GRK2: variants seen among roughly 807,000 people sequenced by gnomAD.
GRK2 encodes the protein G protein-coupled receptor kinase 2, also known as adrenergic beta receptor kinase 1.
A neutral mutation model predicts 97.8 loss-of-function variants in GRK2; 23 were observed. The observed-to-expected ratio is 0.24, with a 90% confidence interval of 0.17 to 0.33. The LOEUF is 0.33. Ranked by LOEUF, GRK2 falls within the 10% of genes least tolerant of loss-of-function variation. GRK2 has a pLI of 1.00. For synonymous variants in GRK2, 425 were observed against 381.7 expected, an observed-to-expected ratio of 1.11 and a Z score of -1.32; for missense variants, 633 against 956.9, an observed-to-expected ratio of 0.66 and a Z score of 4.47.
Position 67,282,556 on chromosome 11 carries a change from C to A in GRK2, c.1160+14C>A. ...GTTGCTGCGGGGGTGAGTGGCCCAT[C>A]CCAGGTGGGCAGGTGGGTTGGGGCT... On this transcript the variant is annotated intron_variant, in intron 13 of 20. Coordinates refer to ENST00000308595, the MANE Select transcript of GRK2 (RefSeq NM_001619.5). This position sits in a 1 kb window ranked among gnomAD's most constrained non-coding sequence, Gnocchi z 6.9. The A allele has an allele frequency of 6.2e-7, 1 of 1,610,896 alleles. No individual in the cohort carries two copies. The highest frequency in any genetic ancestry group is 1.3e-5 in the African/African-American group (1 of 75,000).
At chr11:67,286,556 A>AT (rs1321582197), downstream of GRK2, 1 of 699,618 alleles carries the variant, frequency 1.4e-6, no homozygotes, top group Non-Finnish European at 2.6e-6. Context: ...ATGGTGCCTG[A>AT]TTCGGCTGTC....
chr11:67,279,521 T>A lies in GRK2; in HGVS notation c.366+2T>A. 6.2e-7 allele frequency: 1 copy of A among 1,613,116 alleles called. No homozygotes were observed. The highest frequency in any genetic ancestry group is 8.5e-7 in the Non-Finnish European group (1 of 1,179,962). On this transcript the variant is annotated splice_donor_variant, in intron 4 of 20. Transcript: ENST00000308595. LOFTEE classifies it high-confidence loss of function. ...AAGGAGCTGCTGGCCTGCTCGCATG[T>A]GAGTGTCCTCAGCTGGCCCTGTGTG...
intron 1 of GRK2, among the ~76,000 whole-genome samples, chr11:67,271,466 A>G (rs759396538): frequency 2.6e-5 from 4 of 151,986 alleles, no homozygotes; most frequent in Non-Finnish European, 5.9e-5. Context: ...ATGGGGGATA[A>G]CCCCCTCCTG....
At chr11:67,270,518 G>A (rs1227246186) in intron 1 of GRK2, among the ~76,000 whole-genome samples, 1 of 152,042 alleles carries the variant, frequency 6.6e-6, no homozygotes, top group Non-Finnish European at 1.5e-5. Flanking sequence ...CCCTCGATTT[G>A]TGGGGGAAGG....
At chr11:67,273,022 G>A (rs78909864) in intron 1 of GRK2, among the ~76,000 whole-genome samples, 13,542 of 152,316 alleles carry the variant, frequency 0.089, 2,032 homozygotes, top group African/African-American at 0.31. Context: ...CCCAGCAGGC[G>A]GGGCACGGCG....
intron 7 of GRK2, 144 bp from the exon 8 acceptor site, chr11:67,280,949 C>T (rs371299697): frequency 1.5e-5 from 17 of 1,103,916 alleles, no homozygotes; most frequent in Middle Eastern, 2.0e-4. Context: ...ATGGGGAGGC[C>T]GGAGCAGGTA....
At chr11:67,273,633 C>T (rs1447935991) in intron 1 of GRK2, among the ~76,000 whole-genome samples, 2 of 152,154 alleles carry the variant, frequency 1.3e-5, no homozygotes, top group Non-Finnish European at 2.9e-5. Flanking sequence ...AAGGACTCTG[C>T]TCAGGCCTGA....
intron 6 of GRK2, 44 bp downstream of exon 6, chr11:67,279,944 C>T (rs371585088): frequency 1.4e-4 from 227 of 1,587,786 alleles, no homozygotes; most frequent in Non-Finnish European, 1.8e-4. Flanking sequence ...AGGGAGGGGC[C>T]GCTCTCAGAA....
At chr11:67,275,506 C>T (rs977204553) in intron 1 of GRK2, among the ~76,000 whole-genome samples, 1 of 142,264 alleles carries the variant, frequency 7.0e-6, no homozygotes, top group Admixed American at 6.9e-5. Context: ...CCAAGTGTTG[C>T]CTCTGCCTGG....
chr11:67,277,081 G>A (rs1017823190), intron 1 of GRK2, 191 bp from the exon 2 acceptor site: 11 of 504,920 alleles, frequency 2.2e-5, no homozygotes, highest in African/African-American at 8.0e-5. Flanking sequence ...TGGCGGGGGC[G>A]GTGCAGGCAA....
chr11:67,277,360 A>G lies in GRK2; in HGVS notation c.190+12A>G, dbSNP rs775280835. ...TTCCCAGAAGCTGGGTGAGTATGGC[A>G]GTGGCTCTGCCAGCCACCGGACTTA... On this transcript the variant is annotated intron_variant, in intron 2 of 20. Transcript: ENST00000308595. The G allele has an allele frequency of 6.2e-7, 1 of 1,612,134 alleles. No homozygotes were observed. Among genetic ancestry groups the G allele is most frequent in the Non-Finnish European group, 8.5e-7 (1 of 1,178,820 alleles).
chr11:67,281,301 G>C lies in GRK2; in HGVS notation c.647+117G>C. The C allele has an allele frequency of 9.1e-7, 1 of 1,103,522 alleles. No individual in the cohort carries two copies. Among genetic ancestry groups the C allele is most frequent in the Non-Finnish European group, 1.3e-6 (1 of 750,538 alleles). 68.4% of individuals were successfully genotyped at this position (1,103,522 alleles called of 1,614,324 possible). A position where few individuals can be genotyped will look rare whatever the true frequency, so the allele number is the denominator to read the frequency against. On this transcript the variant is annotated intron_variant, in intron 8 of 20. Transcript: ENST00000308595. The surrounding 1 kb of genome is among the most constrained non-coding windows in gnomAD (Gnocchi z 5.7). ...GCTCCATGCACTCCTGTCTTGCCGT[G>C]CTGTTACCCCCGCAGGCTCCTCTGG...
At chr11:67,275,391 C>T (rs536969481) in intron 1 of GRK2, among the ~76,000 whole-genome samples, 2 of 152,348 alleles carry the variant, frequency 1.3e-5, no homozygotes, top group East Asian at 1.9e-4. Context: ...TCCAGACCCT[C>T]GGGCCCAAAG....
chr11:67,278,224 AATG>A (rs1276679278), intron 2 of GRK2, among the ~76,000 whole-genome samples: 1 of 152,154 alleles, frequency 6.6e-6, no homozygotes, highest in Non-Finnish European at 1.5e-5. Flanking sequence ...TGAGGACTGA[AATG>A]ATGGCCGCAG....
rs61763971 is a variant in GRK2 at position 67,285,708 on chromosome 11, C to T, written c.*258C>T. 921 of 503,736 alleles carry T rather than the reference C, an allele frequency of 1.8e-3. 3 individuals carry two copies. Among genetic ancestry groups the T allele is most frequent in the African/African-American group, 0.013 (631 of 50,434 alleles). The allele number at this position is 503,736 out of a possible 1,614,324, so 31.2% of individuals were successfully genotyped here. On this transcript the variant is annotated 3_prime_UTR_variant, in exon 21 of 21. Coordinates refer to ENST00000308595, the MANE Select transcript of GRK2 (RefSeq NM_001619.5). ...CTGTGGGGGAAGAGCACAGCCCTCC[C>T]GCCCCTTCCCCGAGGGATGATGCCA...
At chr11:67,277,218 G>A in intron 1 of GRK2, 54 bp from the exon 2 acceptor site, 2 of 1,584,508 alleles carry the variant, frequency 1.3e-6, no homozygotes, top group South Asian at 1.1e-5. Context: ...TTCTGGGCCT[G>A]CAGCCCCCAC....
intron 15 of GRK2, 109 bp downstream of exon 15, chr11:67,283,337 C>A: frequency 2.0e-6 from 2 of 1,013,998 alleles, no homozygotes; most frequent in Non-Finnish European, 1.5e-6. Flanking sequence ...CTTGGAGGAG[C>A]TCATAAGTTG....
At chr11:67,270,019 T>G (rs971646040) in intron 1 of GRK2, among the ~76,000 whole-genome samples, 30 of 152,078 alleles carry the variant, frequency 2.0e-4, no homozygotes, top group African/African-American at 7.2e-4. Context: ...GAGGTCTGGC[T>G]TCTCCCTCTA....
chr11:67,284,485 G>A (rs1860227421), intron 18 of GRK2, 112 bp downstream of exon 18: 1 of 1,305,468 alleles, frequency 7.7e-7, no homozygotes, highest in Non-Finnish European at 1.0e-6. Flanking sequence ...GCGGCTCTGG[G>A]ATTCAAACTC....
Sources: gnomAD v4.1 joint callset for allele counts (sites outside exome capture counted in the v4.1 genomes callset) on GRCh38, gnomAD v4.1.1 for gene constraint, Gnocchi (gnomAD v3.1) non-coding constraint, MANE v1.5 for transcripts, NCBI Gene and HGNC (gene_info 2026-07-23, HGNC 2026-07-21) for gene names.